The following MME variants were observed in gnomAD, a reference collection of about 807,000 sequenced individuals.
MME encodes the protein neprilysin.
In MME, 98 loss-of-function variants were observed where a neutral mutation model predicts 113.2. The observed-to-expected ratio is 0.87, with a 90% confidence interval of 0.74 to 1.02. MME has a LOEUF of 1.02. MME is among the 50% of genes least tolerant of loss of function. The pLI, the probability that MME is intolerant of heterozygous loss-of-function variation, is 0.00. For missense variants in MME, 836 were observed against 896.0 expected (o/e 0.93, Z 0.86); for synonymous variants, 292 against 300.6 (o/e 0.97, Z 0.30).
intron 3 of MME, among the ~76,000 whole-genome samples, chr3:155,103,575 C>A (rs1717446215): frequency 6.6e-6 from 1 of 152,150 alleles, no homozygotes; most frequent in Non-Finnish European, 1.5e-5. Context: ...GTTTCTATTT[C>A]CCACTATTTT....
chr3:155,114,880 C>A, intron 3 of MME, 114 bp from the exon 4 acceptor site: 1 of 1,036,550 alleles, frequency 9.6e-7, no homozygotes, highest in Non-Finnish European at 1.5e-6. Context: ...AAAAAGAAAA[C>A]GGAGCATCCG....
upstream of MME, among the ~76,000 whole-genome samples, chr3:155,075,818 A>G (rs879561587): frequency 6.6e-6 from 1 of 152,154 alleles, no homozygotes; most frequent in Non-Finnish European, 1.5e-5. Context: ...ACCAGGCCTG[A>G]TTGAGTAAAG....
Position 155,147,096 on chromosome 3 carries a change from C to G in MME, c.1417-48C>G, listed in dbSNP as rs370843245. 9.8e-6 allele frequency: 12 copies of G among 1,226,150 alleles called. No homozygotes were observed. The African/African-American group carries it at 1.5e-4, about 15-fold the overall frequency. 76.0% of individuals were successfully genotyped at this position (1,226,150 alleles called of 1,614,324 possible). On this transcript the variant is annotated intron_variant, in intron 14 of 22. Transcript: ENST00000360490. ...TCATGGGCAGATTATAAATTTGTAT[C>G]TGAAAGTTATATAATCATCTTCACA...
At chr3:155,172,673 G>T in intron 22 of MME, 61 bp downstream of exon 22, 1 of 1,250,660 alleles carries the variant, frequency 8.0e-7, no homozygotes, top group South Asian at 1.2e-5. Flanking sequence ...TTCCACATTT[G>T]GAATTTAGAC....
At chr3:155,149,741 T>C (rs1721785477) in intron 16 of MME, among the ~76,000 whole-genome samples, 1 of 152,086 alleles carries the variant, frequency 6.6e-6, no homozygotes, top group African/African-American at 2.4e-5. Context: ...CAAGTACAGG[T>C]TGGACAAAAC....
At chr3:155,103,305 A>C (rs1180019301) in intron 3 of MME, among the ~76,000 whole-genome samples, 1 of 152,230 alleles carries the variant, frequency 6.6e-6, no homozygotes, top group Admixed American at 6.5e-5. Context: ...ATGCCTATGC[A>C]AGGTGACTTG....
chr3:155,149,239 G>A (rs1464355578), intron 16 of MME, among the ~76,000 whole-genome samples: 3 of 152,042 alleles, frequency 2.0e-5, no homozygotes, highest in African/African-American at 7.2e-5. Context: ...CTATTAAATA[G>A]ATATAACTAA....
intron 20 of MME, among the ~76,000 whole-genome samples, chr3:155,171,457 T>G (rs1711961042): frequency 6.6e-6 from 1 of 152,216 alleles, no homozygotes; most frequent in Admixed American, 6.5e-5. Context: ...TTTAAAAGTT[T>G]ATTTAGTAGA....
intron 1 of MME, among the ~76,000 whole-genome samples, chr3:155,055,498 G>A (rs1713894714): frequency 6.6e-6 from 1 of 152,056 alleles, no homozygotes; most frequent in African/African-American, 2.4e-5. Context: ...TCAGGAGGCT[G>A]AGGCAGGAGA....
At chr3:155,067,011 C>T (rs779241968) in intron 1 of MME, among the ~76,000 whole-genome samples, 3 of 151,954 alleles carry the variant, frequency 2.0e-5, no homozygotes, top group African/African-American at 7.3e-5. Flanking sequence ...TTAGAACTCA[C>T]CGATTTAGAG....
At chr3:155,161,404 C>T (rs2108352642) in intron 17 of MME, among the ~76,000 whole-genome samples, 1 of 152,108 alleles carries the variant, frequency 6.6e-6, no homozygotes, top group Non-Finnish European at 1.5e-5. Context: ...AACCATTCTT[C>T]TTATAGCTCA....
intron 1 of MME, among the ~76,000 whole-genome samples, chr3:155,044,863 G>C (rs980191730): frequency 6.6e-6 from 1 of 151,852 alleles, no homozygotes; most frequent in Non-Finnish European, 1.5e-5. Flanking sequence ...TTTATTAATT[G>C]ATCCACTTAA....
chr3:155,141,993 A>T lies in MME; in HGVS notation c.960A>T (p.Pro320=), dbSNP rs745499474. 1.2e-6 allele frequency: 2 copies of T among 1,613,580 alleles called. No individual in the cohort carries two copies. The highest frequency in any genetic ancestry group is 1.7e-6 in the Non-Finnish European group (2 of 1,179,664). ...GTTTCATGCCTGCTTTTTTCCAGCC[A>T]TTCAGCTGGTTGAATTTCACAAATG... ...NNFSLEINGK[P]FSWLNFTNEI... is the part of the protein sequence containing the mutation. Residue 320 remains proline, a splice_region_variant and synonymous_variant, in exon 11 of 23, where the codon CCA becomes CCT. Transcript: ENST00000360490.
intron 20 of MME, among the ~76,000 whole-genome samples, chr3:155,171,584 G>A (rs1711977396): frequency 6.6e-6 from 1 of 152,122 alleles, no homozygotes; most frequent in South Asian, 2.1e-4. Flanking sequence ...ATTTTGTCCT[G>A]TCTTCAAAAG....
At position 155,148,641 on chromosome 3, in the gene MME, T is replaced by G. The variant is rs144240445; in HGVS notation, c.1589T>G (p.Val530Gly). Residue 530 changes from valine to glycine, a missense_variant, in exon 16 of 23, where the codon GTG (valine) becomes GGG (glycine). Val to Gly is a moderately radical substitution (Grantham distance 109). Transcript: ENST00000360490. ...CAACTGAAGAAGCTCCGAGAAAAGG[T>G]GGACAAAGATGAGTGCGTATATTCT... is the stretch of plus-strand genomic sequence containing the variant. ...SKQLKKLREK[V>G]DKDEWISGAA... The G allele has an allele frequency of 3.1e-6, 5 of 1,610,298 alleles. No homozygotes were observed. Among genetic ancestry groups the G allele is most frequent in the Non-Finnish European group, 3.4e-6 (4 of 1,176,882 alleles).
chr3:155,173,423 A>G (rs1339454440), intron 22 of MME, among the ~76,000 whole-genome samples: 1 of 152,140 alleles, frequency 6.6e-6, no homozygotes, highest in Admixed American at 6.6e-5. Context: ...CAAAAGCTCT[A>G]CATAAAATGA....
In MME at chr3:155,180,504, C is replaced by A; in HGVS notation, c.*45C>A. 2 of 1,431,300 alleles carry A rather than the reference C, an allele frequency of 1.4e-6. No individual in the cohort carries two copies. Among genetic ancestry groups the A allele is most frequent in the South Asian group, 1.1e-5 (1 of 87,386 alleles). The allele number at this position is 1,431,300 out of a possible 1,614,324, so 88.7% of individuals were successfully genotyped here. A position where few individuals can be genotyped will look rare whatever the true frequency, so the allele number is the denominator to read the frequency against. ...AGCCCTTGGCTAGACTTGCCAACAC[C>A]ACAGAAATGGGGAATTCTCTAATCG... On this transcript the variant is annotated 3_prime_UTR_variant, in exon 23 of 23. Transcript: ENST00000360490.
At chr3:155,079,635 G>GGT (rs1553752936), upstream of MME, 1 of 139,278 alleles carries the variant, frequency 7.2e-6, no homozygotes, top group Admixed American at 7.0e-5. Flanking sequence ...GGGGGTGGGG[G>GGT]GGGTGGGCCG....
chr3:155,171,839 A>C (rs1177478997), intron 20 of MME, among the ~76,000 whole-genome samples: 1 of 152,234 alleles, frequency 6.6e-6, no homozygotes, highest in African/African-American at 2.4e-5. Flanking sequence ...TCACTTATTT[A>C]GGTCATCCAT....
Sources: gnomAD v4.1 joint callset for allele counts (sites outside exome capture counted in the v4.1 genomes callset) on GRCh38, gnomAD v4.1.1 for gene constraint, MANE v1.5 for transcripts, NCBI Gene and HGNC (gene_info 2026-07-23, HGNC 2026-07-21) for gene names.